The following HECTD4 variants were observed in gnomAD, a reference collection of about 807,000 sequenced individuals.
HECTD4 encodes the protein HECT domain E3 ubiquitin protein ligase 4.
Under a neutral mutation model 471.5 loss-of-function variants are expected in HECTD4, and 114 were observed. The observed-to-expected ratio is 0.24, with a 90% CI of 0.21 to 0.28. The LOEUF (loss-of-function observed/expected upper bound fraction) is 0.28, where lower values mean the gene tolerates loss of function less well. HECTD4 is among the 10% of genes least tolerant of loss of function. The pLI, the probability that HECTD4 is intolerant of heterozygous loss-of-function variation, is 1.00. For synonymous variants in HECTD4, 2,012 were observed against 2,256.0 expected (o/e 0.89, Z 3.07); for missense variants, 3,866 against 5,651.5 (o/e 0.68, Z 10.13).
chr12:112,309,487 G>GT (rs1266675935), intron 5 of HECTD4, 74 bp downstream of exon 5: 19 of 691,184 alleles, frequency 2.7e-5, no homozygotes, highest in Non-Finnish European at 4.8e-5. Context: ...TCTACCCACA[G>GT]TGTCTTCTTC....
Position 112,203,787 on chromosome 12 carries a change from G to A in HECTD4, c.8270-15C>T, listed in dbSNP as rs1200827820. On this transcript the variant is annotated splice_polypyrimidine_tract_variant and intron_variant, in intron 53 of 75. Coordinates refer to ENST00000682272, the MANE Select transcript of HECTD4 (RefSeq NM_001388303.1). The stretch of plus-strand genomic sequence containing the variant: ...TACTGTGAGACCTGAGGAGTGTAGA[G>A]GGAGAAGTTTTTCAGGAAAAAGTAC... 4 of 1,525,022 alleles carry A rather than the reference G, an allele frequency of 2.6e-6. No individual in the cohort carries two copies. The highest frequency in any genetic ancestry group is 2.5e-5 in the South Asian group (2 of 78,790). The allele number at this position is 1,525,022 out of a possible 1,614,324, so 94.5% of individuals were successfully genotyped here.
rs762415739 is a variant in HECTD4, at chr12:112,235,789, G to GA, written c.5445-6dup. 6.2e-7 allele frequency: 1 copy of GA among 1,600,200 alleles called. No homozygotes were observed. Among genetic ancestry groups the GA allele is most frequent in the East Asian group, 2.2e-5 (1 of 44,686 alleles). Reference sequence around the variant, plus strand: ...ATGGCTTTACCTATGTGGCTCCTGGGAAAAAAGGAAGAAAAGGTACACAGT... The same window carrying GA: ...ATGGCTTTACCTATGTGGCTCCTGGGAAAAAAAGGAAGAAAAGGTACACAGT... On this transcript the variant is annotated splice_polypyrimidine_tract_variant and splice_region_variant and intron_variant, in intron 35 of 75. Transcript: ENST00000682272. The surrounding 1 kb of genome is among the most constrained non-coding windows in gnomAD (Gnocchi z 5.0).
chr12:112,337,102 T>G (rs2035972200), intron 1 of HECTD4, among the ~76,000 whole-genome samples: 1 of 152,334 alleles, frequency 6.6e-6, no homozygotes, highest in East Asian at 1.9e-4. Context: ...GTTTTGCAGA[T>G]AGAAACTTTG....
At chr12:112,206,589 T>C (rs547368617) in intron 52 of HECTD4, among the ~76,000 whole-genome samples, 31 of 142,040 alleles carry the variant, frequency 2.2e-4, no homozygotes, top group African/African-American at 7.7e-4. Context: ...CAGGCTGGAG[T>C]GCAGTGGCGT....
chr12:112,228,423 T>C lies in HECTD4; in HGVS notation c.6685-165A>G, dbSNP rs1208788162. Among the ~76,000 whole-genome samples the C allele has an allele frequency of 6.6e-6, 1 of 152,176 alleles. No homozygotes were observed. Among genetic ancestry groups the C allele is most frequent in the East Asian group, 1.9e-4 (1 of 5,206 alleles). On this transcript the variant is annotated intron_variant, in intron 42 of 75. Coordinates refer to ENST00000682272, the MANE Select transcript of HECTD4 (RefSeq NM_001388303.1). This position sits in a 1 kb window ranked among gnomAD's most constrained non-coding sequence, Gnocchi z 4.9. ...CACATCAAAACAATTAAAAATACATTGTAGAAGAGCCCTAACCAACAAAGA... is the reference window on the plus strand; with the variant it reads ...CACATCAAAACAATTAAAAATACATCGTAGAAGAGCCCTAACCAACAAAGA...
At position 112,184,167 on chromosome 12, in the gene HECTD4, A is replaced by C; in HGVS notation, c.10779+20T>G. 6.3e-7 allele frequency: 1 copy of C among 1,579,482 alleles called. No individual in the cohort carries two copies. Among genetic ancestry groups the C allele is most frequent in the Non-Finnish European group, 8.6e-7 (1 of 1,157,516 alleles). ...AAATGGGTCATGATTTAGTGGTTGC[A>C]GAGGCTTGAAAGCTGTTACCTCCAC... On this transcript the variant is annotated intron_variant, in intron 61 of 75. Coordinates refer to ENST00000682272, the MANE Select transcript of HECTD4 (RefSeq NM_001388303.1). The surrounding 1 kb of genome is among the most constrained non-coding windows in gnomAD (Gnocchi z 9.1).
In HECTD4 at chr12:112,190,954, G is replaced by A. The variant is rs2032057755; in HGVS notation, c.9304C>T (p.Pro3102Ser). 6.4e-7 allele frequency: 1 copy of A among 1,559,788 alleles called. No individual in the cohort carries two copies. The highest frequency in any genetic ancestry group is 2.4e-5 in the East Asian group (1 of 41,674). The change falls in exon 60 of 76, where the codon CCT (proline) becomes TCT (serine). Residue 3102 changes from proline to serine, a missense_variant. By Grantham distance (74) the Pro-to-Ser change is moderately conservative. Around this residue, in one of 16 missense-constraint regions of HECTD4, gnomAD observed 364 missense variants for 413.2 expected, o/e 0.88. Transcript: ENST00000682272. The part of the protein sequence containing the change: ...RVHIKLGVSP[P>S]PGAVLVLHSL... ...TGTAACACCAGGACTGCTCCAGGAG[G>A]TGGAGACACCCCTGCAAGAAGCACC...
chr12:112,313,230 A>C, intron 3 of HECTD4, 83 bp from the exon 4 acceptor site: 1 of 1,162,466 alleles, frequency 8.6e-7, no homozygotes, highest in Non-Finnish European at 1.1e-6. Flanking sequence ...CAAAGAGTAG[A>C]AACCAAAATT....
chr12:112,239,923 C>T lies in HECTD4; in HGVS notation c.5063G>A (p.Cys1688Tyr). The T allele has an allele frequency of 1.9e-6, 3 of 1,614,018 alleles. No individual in the cohort carries two copies. The highest frequency in any genetic ancestry group is 2.5e-6 in the Non-Finnish European group (3 of 1,179,884). ...ACATAAGAGTCCAATGCTATTTGCG[C>T]AAGCGATAGGGTAACGAGCACACAG... ...VSLCARYPIACANSIGLLCTI... is the reference protein window; with the variant it reads ...VSLCARYPIAYANSIGLLCTI... The change falls in exon 33 of 76, where the codon TGC becomes TAC. Residue 1688 changes from cysteine (C) to tyrosine (Y), a missense_variant. Cys to Tyr is a radical substitution (Grantham distance 194). Transcript: ENST00000682272. This position sits in a 1 kb window ranked among gnomAD's most constrained non-coding sequence, Gnocchi z 4.9.
Position 112,226,656 on chromosome 12 carries a change from C to T in HECTD4, c.6957G>A (p.Gln2319=), listed in dbSNP as rs759893293. ...TCAGGTACTCACCAGCACTACATTC[C>T]TGGGCTACTAGGTTAAGAACTTCAA... ...AAVEVLNLVA[Q]ECSAGERLAV... Residue 2319 remains glutamine, a synonymous_variant, in exon 44 of 76, where the codon CAG becomes CAA. Transcript: ENST00000682272. 6.2e-7 allele frequency: 1 copy of T among 1,609,852 alleles called. No homozygotes were observed. Among genetic ancestry groups the T allele is most frequent in the Non-Finnish European group, 8.5e-7 (1 of 1,177,568 alleles).
At chr12:112,225,478 G>C (rs1405250003) in intron 44 of HECTD4, among the ~76,000 whole-genome samples, 1 of 151,902 alleles carries the variant, frequency 6.6e-6, no homozygotes, top group Non-Finnish European at 1.5e-5. Context: ...ATATCCTTGG[G>C]GACAAAAGAT....
At chr12:112,305,245 C>T (rs1266280582) in intron 7 of HECTD4, among the ~76,000 whole-genome samples, 1 of 152,158 alleles carries the variant, frequency 6.6e-6, no homozygotes, top group Non-Finnish European at 1.5e-5. Context: ...CAACGTATGG[C>T]TAGCAGCCAC....
intron 38 of HECTD4, among the ~76,000 whole-genome samples, 184 bp from the exon 39 acceptor site, chr12:112,231,899 T>C: frequency 6.6e-6 from 1 of 152,076 alleles, no homozygotes; most frequent in South Asian, 2.1e-4. Flanking sequence ...GCTGAGATAA[T>C]GGTTAGTCAT....
intron 20 of HECTD4, among the ~76,000 whole-genome samples, chr12:112,257,932 G>A (rs1486147530): frequency 1.3e-5 from 2 of 152,224 alleles, no homozygotes; most frequent in African/African-American, 4.8e-5. Flanking sequence ...GCTCACGCCT[G>A]TAATCCCAGC....
chr12:112,305,574 G>C (rs762985473), intron 7 of HECTD4, among the ~76,000 whole-genome samples: 13 of 152,090 alleles, frequency 8.5e-5, no homozygotes, highest in Non-Finnish European at 1.9e-4. Flanking sequence ...TCTGGAGCCT[G>C]AATACACATC....
At chr12:112,357,579 A>T (rs181754300) in intron 1 of HECTD4, among the ~76,000 whole-genome samples, 1 of 152,330 alleles carries the variant, frequency 6.6e-6, no homozygotes, top group Admixed American at 6.5e-5. Context: ...CTCACAAATT[A>T]GCCTCTGAAA....
At position 112,194,747 on chromosome 12, in the gene HECTD4, G is replaced by C; in HGVS notation, c.8749+138C>G. 1.3e-6 allele frequency: 1 copy of C among 745,278 alleles called. No homozygotes were observed. Among genetic ancestry groups the C allele is most frequent in the South Asian group, 1.9e-5 (1 of 52,606 alleles). 46.2% of individuals were successfully genotyped at this position (745,278 alleles called of 1,614,324 possible). On this transcript the variant is annotated intron_variant, in intron 56 of 75. Coordinates refer to ENST00000682272, the MANE Select transcript of HECTD4 (RefSeq NM_001388303.1). This position sits in a 1 kb window ranked among gnomAD's most constrained non-coding sequence, Gnocchi z 4.6. ...AGAAAGCCCTGCCAGGAGAATCCCA[G>C]TTCCTGCGTGCAATTTCTCACGTGA...
intron 15 of HECTD4, 55 bp downstream of exon 15, chr12:112,265,822 GT>G: frequency 7.6e-7 from 1 of 1,312,020 alleles, no homozygotes; most frequent in South Asian, 1.2e-5. Context: ...ACATTTAAAT[GT>G]AAACTAACGA....
At chr12:112,248,251 T>G in intron 26 of HECTD4, 69 bp downstream of exon 26, 1 of 1,522,142 alleles carries the variant, frequency 6.6e-7, no homozygotes, top group Non-Finnish European at 8.9e-7. Context: ...TTTTAAAAAT[T>G]AGATCACATT....
Sources: allele counts gnomAD v4.1 joint callset (sites outside exome capture counted in the v4.1 genomes callset), GRCh38; gene constraint gnomAD v4.1.1; regional missense constraint gnomAD v4.1.1; non-coding constraint Gnocchi (gnomAD v3.1); transcripts MANE v1.5; gene names NCBI Gene and HGNC (gene_info 2026-07-23, HGNC 2026-07-21).